BCAR3: variants seen among roughly 807,000 people sequenced by gnomAD.
The protein encoded by BCAR3 is breast cancer anti-estrogen resistance protein 3.
In BCAR3, 37 loss-of-function variants were observed where a neutral mutation model predicts 80.1. That is an observed-to-expected ratio of 0.46 (90% CI 0.36 to 0.61). The LOEUF (loss-of-function observed/expected upper bound fraction) is 0.61. BCAR3 is among the 20% of genes least tolerant of loss of function. BCAR3 has a pLI of 0.00. For synonymous variants in BCAR3, 389 were observed against 418.9 expected, an observed-to-expected ratio of 0.93 and a Z score of 0.87; for missense variants, 978 against 1,068.2, an observed-to-expected ratio of 0.92 and a Z score of 1.18.
At chr1:93,798,774 C>G (rs1653372828) in intron 2 of BCAR3, among the ~76,000 whole-genome samples, 2 of 152,172 alleles carry the variant, frequency 1.3e-5, no homozygotes, top group Admixed American at 1.3e-4. Flanking sequence ...ATCTGTGAAC[C>G]AGGTAACATC....
At chr1:93,703,076 G>T (rs1649704670) in intron 3 of BCAR3, among the ~76,000 whole-genome samples, 1 of 152,178 alleles carries the variant, frequency 6.6e-6, no homozygotes. Context: ...TTAACTCAAA[G>T]ACAGCTGCTC....
At chr1:93,712,147 T>A (rs1650046579) in intron 2 of BCAR3, among the ~76,000 whole-genome samples, 1 of 152,244 alleles carries the variant, frequency 6.6e-6, no homozygotes, top group South Asian at 2.1e-4. Flanking sequence ...TGTGAAGTGC[T>A]GAACATGTAG....
chr1:93,740,508 A>G (rs1651139628), intron 2 of BCAR3, among the ~76,000 whole-genome samples: 1 of 152,230 alleles, frequency 6.6e-6, no homozygotes, highest in Non-Finnish European at 1.5e-5. Flanking sequence ...CTGAACTTCC[A>G]GCAAGATGCA....
At chr1:93,828,659 G>T (rs563168629) in intron 2 of BCAR3, among the ~76,000 whole-genome samples, 1 of 152,038 alleles carries the variant, frequency 6.6e-6, no homozygotes, top group Non-Finnish European at 1.5e-5. Context: ...TTTTCCCTGG[G>T]TCTTTGTGTA....
Position 93,592,850 on chromosome 1 carries a change from A to C in BCAR3, c.358-457T>G, listed in dbSNP as rs2281474. On this transcript the variant is annotated intron_variant, in intron 3 of 11. Coordinates refer to ENST00000260502, the MANE Select transcript of BCAR3 (RefSeq NM_003567.4). The surrounding 1 kb of genome is among the most constrained non-coding windows in gnomAD (Gnocchi z 4.8). The stretch of plus-strand genomic sequence containing the variant: ...AAGCACAGTCCTTGGGCTGGTAGCG[A>C]TGGCCCTAACTTCTTTGCTGTTGGT... 5.9e-3 allele frequency among the ~76,000 whole-genome samples: 904 copies of C among 152,348 alleles called. 58 individuals are homozygous for C. The East Asian group carries it at 0.14, about 23-fold the overall frequency.
chr1:93,813,521 C>T (rs907139334), intron 2 of BCAR3, among the ~76,000 whole-genome samples: 2 of 152,164 alleles, frequency 1.3e-5, no homozygotes, highest in Non-Finnish European at 2.9e-5. Flanking sequence ...ATTGTAAGTA[C>T]AGTATAAGGG....
chr1:93,668,539 G>T (rs1050719216), intron 2 of BCAR3, among the ~76,000 whole-genome samples: 3 of 152,088 alleles, frequency 2.0e-5, no homozygotes, highest in African/African-American at 7.2e-5. Flanking sequence ...ACACCGAGGG[G>T]TATTTCAAAA....
At chr1:93,777,387 TTCC>T (rs767805775) in intron 2 of BCAR3, among the ~76,000 whole-genome samples, 14 of 133,662 alleles carry the variant, frequency 1.0e-4, no homozygotes, top group East Asian at 4.3e-4. Context: ...CCTCTTCTTC[TTCC>T]TCTTCTTCCT....
chr1:93,837,960 G>A (rs1654826347), intron 2 of BCAR3, among the ~76,000 whole-genome samples: 1 of 152,180 alleles, frequency 6.6e-6, no homozygotes, highest in Admixed American at 6.5e-5. Flanking sequence ...CAAGGCTCTA[G>A]CATGGACTCT....
chr1:93,582,677 G>A lies in BCAR3; in HGVS notation c.1310C>T (p.Ala437Val). The A allele has an allele frequency of 6.2e-7, 1 of 1,614,102 alleles. No individual in the cohort carries two copies. Among genetic ancestry groups the A allele is most frequent in the Admixed American group, 1.7e-5 (1 of 60,022 alleles). Residue 437 changes from alanine (A) to valine (V), a missense_variant, in exon 7 of 12, where the codon GCC becomes GTC. Transcript: ENST00000260502. ...ANYCELNPAF[A>V]TGCGRGAKLP... The stretch of plus-strand genomic sequence containing the variant: ...CTTTGCTCCCCTGCCGCAGCCTGTG[G>A]CAAACGCTGGGTTCAGTTCACAGTA...
intron 4 of BCAR3, chr1:93,590,362 T>TG (rs1674119788): frequency 6.6e-6 from 1 of 152,224 alleles, no homozygotes; most frequent in Admixed American, 6.5e-5. Flanking sequence ...AATCTCCTTG[T>TG]GGCTCACTTA....
At position 93,687,178 on chromosome 1, in the gene BCAR3, A is replaced by T. The variant is rs114400181; in HGVS notation, c.-11-12237T>A. Among the ~76,000 whole-genome samples, 472 of 152,322 alleles carry T rather than the reference A, an allele frequency of 3.1e-3. 6 individuals are homozygous for T. The highest frequency in any genetic ancestry group is 0.011 in the African/African-American group (465 of 41,566). On this transcript the variant is annotated intron_variant, in intron 3 of 13. Transcript: ENST00000370244. ...TGGCTTTTCACCTTTATATTACATC[A>T]TAAATCTCCCCATAGGCTAAATAAA...
At chr1:93,618,939 GTTTTTTT>G (rs386367697) in intron 3 of BCAR3, among the ~76,000 whole-genome samples, 1 of 119,496 alleles carries the variant, frequency 8.4e-6, no homozygotes, top group Non-Finnish European at 1.7e-5. Flanking sequence ...TTTTTTTTTT[GTTTTTTT>G]TTTTTTAATC....
intron 2 of BCAR3, among the ~76,000 whole-genome samples, chr1:93,731,638 A>G (rs972698988): frequency 7.1e-6 from 1 of 140,080 alleles, no homozygotes; most frequent in Non-Finnish European, 1.5e-5. Flanking sequence ...TAAATAGTAG[A>G]TGTTAAAGTA....
intron 9 of BCAR3, chr1:93,571,441 T>G: frequency 2.1e-6 from 1 of 479,938 alleles, no homozygotes; most frequent in Non-Finnish European, 3.8e-6. Context: ...GAGGTTGCAG[T>G]GAGCTGAGAT....
intron 2 of BCAR3, among the ~76,000 whole-genome samples, chr1:93,715,152 T>C (rs1650154822): frequency 6.6e-6 from 1 of 152,240 alleles, no homozygotes; most frequent in Non-Finnish European, 1.5e-5. Context: ...GAACACCTCC[T>C]TGTTCTTCCC....
chr1:93,659,819 G>A (rs541058489), intron 2 of BCAR3, among the ~76,000 whole-genome samples: 1 of 151,912 alleles, frequency 6.6e-6, no homozygotes, highest in South Asian at 2.1e-4. Context: ...CTGACCACAC[G>A]TTCCCACCCC....
intron 2 of BCAR3, among the ~76,000 whole-genome samples, chr1:93,760,348 C>T (rs1052054561): frequency 1.3e-5 from 2 of 151,998 alleles, no homozygotes; most frequent in Non-Finnish European, 2.9e-5. Flanking sequence ...AATAATCCAG[C>T]TTATAAGGCG....
At chr1:93,582,276 G>C in intron 7 of BCAR3, 25 bp downstream of exon 7, 1 of 1,598,550 alleles carries the variant, frequency 6.3e-7, no homozygotes, top group South Asian at 1.1e-5. Context: ...AAAGCCAGAG[G>C]AGCACCAGGA....
Sources: allele counts gnomAD v4.1 joint callset (sites outside exome capture counted in the v4.1 genomes callset), GRCh38; gene constraint gnomAD v4.1.1; non-coding constraint Gnocchi (gnomAD v3.1); transcripts MANE v1.5; gene names NCBI Gene and HGNC (gene_info 2026-07-23, HGNC 2026-07-21).